ITSN2: variants seen among roughly 807,000 people sequenced by gnomAD.
ITSN2 encodes the protein intersectin-2.
Under a neutral mutation model 243.7 loss-of-function variants are expected in ITSN2, and 156 were observed. That is an observed-to-expected ratio of 0.64 (90% CI 0.56 to 0.73). ITSN2 has a LOEUF of 0.73. Ranked by LOEUF, ITSN2 falls within the 30% of genes least tolerant of loss-of-function variation. ITSN2 has a pLI of 0.00. For synonymous variants in ITSN2, 703 were observed against 699.9 expected (o/e 1.00, Z -0.07); for missense variants, 1,801 against 1,996.1 (o/e 0.90, Z 1.86).
chr2:24,300,857 TA>T (rs2151664681), intron 11 of ITSN2, among the ~76,000 whole-genome samples: 2 of 152,326 alleles, frequency 1.3e-5, no homozygotes, highest in African/African-American at 4.8e-5. Flanking sequence ...TTTTTAAAGG[TA>T]AAGATTTCAT....
chr2:24,357,041 G>A (rs1322752309), intron 1 of ITSN2, among the ~76,000 whole-genome samples: 1 of 152,168 alleles, frequency 6.6e-6, no homozygotes, highest in Non-Finnish European at 1.5e-5. Flanking sequence ...ATGTAAATTG[G>A]TTCAACCATA....
At chr2:24,334,558 G>T in intron 1 of ITSN2, 3 of 922,270 alleles carry the variant, frequency 3.3e-6, no homozygotes, top group East Asian at 2.7e-5. Flanking sequence ...AAGAAGTGTG[G>T]CAAGCACCAA....
intron 1 of ITSN2, among the ~76,000 whole-genome samples, chr2:24,357,995 AC>A (rs1688606638): frequency 6.6e-6 from 1 of 152,024 alleles, no homozygotes; most frequent in Admixed American, 6.5e-5. Flanking sequence ...GTTCACTGCA[AC>A]CTCCGCCTCC....
intron 36 of ITSN2, among the ~76,000 whole-genome samples, chr2:24,208,758 G>A (rs906739943): frequency 1.3e-5 from 2 of 152,230 alleles, no homozygotes; most frequent in African/African-American, 4.8e-5. Context: ...GACGAGGGCT[G>A]AGGCCTGTGG....
In ITSN2 at chr2:24,337,342, A is replaced by ATATATATATG. The variant is rs1553395987; in HGVS notation, c.-33-9228_-33-9227insCATATATATA. ...TATATATATATATATATATATATAT[A>ATATATATATG]TATATATATATGTAATTTTTTTTTT... On this transcript the variant is annotated intron_variant, in intron 1 of 39. Transcript: ENST00000355123. 6.0e-4 allele frequency among the ~76,000 whole-genome samples: 70 copies of ATATATATATG among 115,950 alleles called. 9 individuals are homozygous for ATATATATATG. The highest frequency in any genetic ancestry group is 5.4e-3 in the South Asian group (21 of 3,858). 76.1% of individuals were successfully genotyped at this position (115,950 alleles called of 152,430 possible).
rs1679521140 is a variant in ITSN2, at chr2:24,286,443, T to C, written c.1724-92A>G. ...TACTGTTTGGTCAGATTGATGTAAC[T>C]AGACCAATACGAAGGATGTATACAC... On this transcript the variant is annotated intron_variant, in intron 15 of 39. Transcript: ENST00000355123. 1.2e-5 allele frequency: 12 copies of C among 1,042,162 alleles called. 2 individuals carry two copies. The South Asian group carries it at 1.3e-4, about 11-fold the overall frequency. The allele number at this position is 1,042,162 out of a possible 1,614,324, so 64.6% of individuals were successfully genotyped here. A position where few individuals can be genotyped will look rare whatever the true frequency, so the allele number is the denominator to read the frequency against.
At chr2:24,263,173 CAGAT>C (rs1428083687) in intron 20 of ITSN2, among the ~76,000 whole-genome samples, 2 of 152,104 alleles carry the variant, frequency 1.3e-5, no homozygotes, top group African/African-American at 4.8e-5. Flanking sequence ...GTACTTACTA[CAGAT>C]AAATTATTTA....
At chr2:24,259,812 C>T (rs1479667832) in intron 22 of ITSN2, among the ~76,000 whole-genome samples, 1 of 152,118 alleles carries the variant, frequency 6.6e-6, no homozygotes, top group East Asian at 1.9e-4. Flanking sequence ...TCTATATATA[C>T]CCCCTACAGA....
chr2:24,215,388 C>T (rs375219481), intron 32 of ITSN2, among the ~76,000 whole-genome samples: 2 of 151,956 alleles, frequency 1.3e-5, no homozygotes, highest in Admixed American at 6.6e-5. Context: ...ATTTTAGGGC[C>T]GGGCACGGTG....
chr2:24,309,931 A>T (rs951382403), intron 7 of ITSN2, among the ~76,000 whole-genome samples: 2 of 152,206 alleles, frequency 1.3e-5, no homozygotes, highest in Non-Finnish European at 2.9e-5. Flanking sequence ...CAATTAGTAG[A>T]ATCTGCTCAA....
chr2:24,234,003 A>T (rs1671871018), intron 29 of ITSN2, among the ~76,000 whole-genome samples: 1 of 152,240 alleles, frequency 6.6e-6, no homozygotes, highest in Admixed American at 6.5e-5. Context: ...GAGAGGCAAA[A>T]GACCCAGAAT....
chr2:24,358,406 G>A (rs1448742266), intron 1 of ITSN2, among the ~76,000 whole-genome samples: 5 of 152,198 alleles, frequency 3.3e-5, no homozygotes, highest in Non-Finnish European at 5.9e-5. Flanking sequence ...GGGCCTTAGT[G>A]AGCTTTAAAT....
intron 29 of ITSN2, among the ~76,000 whole-genome samples, chr2:24,222,731 A>G (rs934108160): frequency 3.1e-5 from 4 of 129,876 alleles, no homozygotes; most frequent in Non-Finnish European, 6.1e-5. Flanking sequence ...CTGGAGTGCA[A>G]TGGCGCAAAT....
intron 17 of ITSN2, among the ~76,000 whole-genome samples, chr2:24,282,921 T>C (rs983080123): frequency 6.6e-6 from 1 of 152,100 alleles, no homozygotes; most frequent in Middle Eastern, 3.2e-3. Flanking sequence ...TTCAGGGACT[T>C]TGCTCCATCA....
At chr2:24,344,302 T>C (rs1256340975) in intron 1 of ITSN2, among the ~76,000 whole-genome samples, 1 of 152,182 alleles carries the variant, frequency 6.6e-6, no homozygotes, top group African/African-American at 2.4e-5. Context: ...AGTATTTAGG[T>C]AGGACAATAC....
intron 14 of ITSN2, among the ~76,000 whole-genome samples, 180 bp downstream of exon 14, chr2:24,295,483 AT>A (rs1459109318): frequency 6.6e-6 from 1 of 151,894 alleles, no homozygotes; most frequent in African/African-American, 2.4e-5. Flanking sequence ...ATTTTTTTGT[AT>A]TTTTAGTAGA....
At position 24,204,239 on chromosome 2, in the gene ITSN2, A is replaced by T. The variant is rs201975299; in HGVS notation, c.4936+6T>A. ...CCTTTAGATCCCCTGGCTGAGCGAC[A>T]CTTACCATCTGGTGAAAACTGGTCT... On this transcript the variant is annotated splice_donor_region_variant and intron_variant, in intron 39 of 39. Coordinates refer to ENST00000355123, the MANE Select transcript of ITSN2 (RefSeq NM_006277.3). This position sits in a 1 kb window ranked among gnomAD's most constrained non-coding sequence, Gnocchi z 5.1. 2.0e-5 allele frequency: 32 copies of T among 1,613,676 alleles called. No homozygotes were observed. The highest frequency in any genetic ancestry group is 5.0e-5 in the Admixed American group (3 of 60,000).
intron 32 of ITSN2, 110 bp from the exon 33 acceptor site, chr2:24,212,858 C>G: frequency 1.1e-6 from 1 of 895,812 alleles, no homozygotes; most frequent in South Asian, 1.5e-5. Flanking sequence ...TTATGTTTCT[C>G]CCTGTCTTAC....
intron 2 of ITSN2, among the ~76,000 whole-genome samples, chr2:24,316,567 C>T (rs1408220290): frequency 6.6e-6 from 1 of 152,224 alleles, no homozygotes; most frequent in African/African-American, 2.4e-5. Flanking sequence ...AGGCGTAAGC[C>T]ACCACGCCCA....
Sources: gnomAD v4.1 joint callset for allele counts (sites outside exome capture counted in the v4.1 genomes callset) on GRCh38, gnomAD v4.1.1 for gene constraint, Gnocchi (gnomAD v3.1) non-coding constraint, MANE v1.5 for transcripts, NCBI Gene and HGNC (gene_info 2026-07-23, HGNC 2026-07-21) for gene names.